SHROOM4: variants seen among roughly 807,000 people sequenced by gnomAD.
SHROOM4 encodes the protein shroom family member 4.
SHROOM4 carries 17 observed loss-of-function variants against 80.3 expected under a neutral mutation model. That is an observed-to-expected ratio of 0.21 (90% confidence interval 0.14 to 0.32). The LOEUF (loss-of-function observed/expected upper bound fraction) is 0.32, where lower values mean the gene tolerates loss of function less well. Ranked by LOEUF, SHROOM4 falls within the 10% of genes least tolerant of loss-of-function variation. The pLI is 1.00. For missense variants in SHROOM4, 993 were observed against 1,140.3 expected (o/e 0.87, Z 1.86); for synonymous variants, 400 against 437.5 (o/e 0.91, Z 1.07).
At chrX:50,803,184 G>A (rs896165872) in intron 1 of SHROOM4, among the ~76,000 whole-genome samples, 44 of 111,532 alleles carry the variant, frequency 3.9e-4, no homozygotes, top group African/African-American at 1.4e-3. Context: ...GAGAGACTCC[G>A]TCTCAAAAAA....
intron 1 of SHROOM4, among the ~76,000 whole-genome samples, chrX:50,780,021 T>G (rs1935591247): frequency 9.0e-6 from 1 of 111,509 alleles, no homozygotes. Flanking sequence ...AGTGAGAACC[T>G]CTTTGTGTGG....
intron 2 of SHROOM4, among the ~76,000 whole-genome samples, chrX:50,655,601 C>A: frequency 9.8e-6 from 1 of 102,444 alleles, no homozygotes; most frequent in Non-Finnish European, 1.9e-5. Context: ...TATTCATCAT[C>A]TTTATTCATC....
At chrX:50,639,844 C>T (rs1414653155) in intron 2 of SHROOM4, among the ~76,000 whole-genome samples, 1 of 112,088 alleles carries the variant, frequency 8.9e-6, no homozygotes, top group Non-Finnish European at 1.9e-5. Flanking sequence ...AGGCCAGACA[C>T]AGACCAGGAG....
At chrX:50,645,155 C>G (rs1232018674) in intron 2 of SHROOM4, among the ~76,000 whole-genome samples, 1 of 111,677 alleles carries the variant, frequency 9.0e-6, no homozygotes, top group African/African-American at 3.3e-5. Context: ...GATTTTGATT[C>G]AGCGAGGCCC....
At chrX:50,605,735 T>C (rs1194506814) in intron 6 of SHROOM4, among the ~76,000 whole-genome samples, 1 of 112,515 alleles carries the variant, frequency 8.9e-6, no homozygotes, top group East Asian at 2.8e-4. Context: ...TGGCTTTGAA[T>C]GTTTGCTGTG....
chrX:50,729,315 A>G (rs1055355579), intron 1 of SHROOM4, among the ~76,000 whole-genome samples: 3 of 111,991 alleles, frequency 2.7e-5, no homozygotes, highest in Middle Eastern at 4.6e-3. Flanking sequence ...TAGAGAATAG[A>G]AAAAGAGACA....
chrX:50,624,693 G>A (rs1569546683), intron 5 of SHROOM4, among the ~76,000 whole-genome samples: 2 of 101,976 alleles, frequency 2.0e-5, no homozygotes, highest in African/African-American at 3.6e-5. Flanking sequence ...GCTCACTGCC[G>A]CCTCGAACAC....
chrX:50,656,762 A>T lies in SHROOM4; in HGVS notation c.270-18454T>A, dbSNP rs782148735. On this transcript the variant is annotated intron_variant, in intron 2 of 8. Transcript: ENST00000376020. ...TTTGTGGTTCCTTACAAATTTTAGAATTTTTTATTCCTGTGAAAAAATGTA... is the reference window on the plus strand; with the variant it reads ...TTTGTGGTTCCTTACAAATTTTAGATTTTTTTATTCCTGTGAAAAAATGTA... Among the ~76,000 whole-genome samples, 7 of 109,981 alleles carry T rather than the reference A, an allele frequency of 6.4e-5. No homozygotes were observed. The East Asian group carries it at 2.0e-3, about 31-fold the overall frequency.
At chrX:50,723,379 AGGGAGCAAGGGAGG>A (rs1934169039) in intron 1 of SHROOM4, among the ~76,000 whole-genome samples, 1 of 30,812 alleles carries the variant, frequency 3.2e-5, no homozygotes, top group Non-Finnish European at 5.9e-5. Context: ...GGAGGGAGGG[AGGGAGCAAGGGAGG>A]GAGAGAGAGA....
In SHROOM4 at chrX:50,635,337, C is replaced by A; in HGVS notation, c.736G>T (p.Gly246Cys). ...TSGGSRRTNG[G>C]HLTPSSQMSS... ...ATCTGAGAGCTGGGGGTCAGGTGGC[C>A]CCCATTGGTGCGCCGACTACCTCCT... The change falls in exon 4 of 9, where the codon GGC becomes TGC. Residue 246 changes from glycine to cysteine, a missense_variant. Gly to Cys is a radical substitution (Grantham distance 159). Transcript: ENST00000376020. The A allele has an allele frequency of 8.3e-7, 1 of 1,202,454 alleles. No individual in the cohort carries two copies. The highest frequency in any genetic ancestry group is 1.1e-6 in the Non-Finnish European group (1 of 890,763).
At chrX:50,692,248 T>G (rs1343094929) in intron 2 of SHROOM4, among the ~76,000 whole-genome samples, 1 of 112,115 alleles carries the variant, frequency 8.9e-6, no homozygotes, top group East Asian at 2.8e-4. Context: ...TCCCTCTAAG[T>G]TGCTGGTGTC....
At chrX:50,788,434 G>A (rs192713109) in intron 1 of SHROOM4, among the ~76,000 whole-genome samples, 1 of 110,479 alleles carries the variant, frequency 9.1e-6, no homozygotes, top group East Asian at 2.8e-4. Flanking sequence ...GTGAAACCCC[G>A]TCTCTACTAA....
chrX:50,747,522 CT>C (rs1934799317), intron 1 of SHROOM4, among the ~76,000 whole-genome samples: 1 of 111,868 alleles, frequency 8.9e-6, no homozygotes, highest in South Asian at 3.7e-4. Flanking sequence ...AAAAAAAGTT[CT>C]GACAAATAGC....
At chrX:50,690,385 T>C (rs1557262552) in intron 2 of SHROOM4, among the ~76,000 whole-genome samples, 2 of 111,872 alleles carry the variant, frequency 1.8e-5, no homozygotes, top group East Asian at 2.8e-4. Flanking sequence ...TTCATCCCTC[T>C]GAAAAGAAAC....
chrX:50,581,715 C>A, the SHROOM4 span, among the ~76,000 whole-genome samples: 6 of 111,888 alleles, frequency 5.4e-5, no homozygotes, highest in Admixed American at 5.7e-4. Flanking sequence ...AGATAAACTC[C>A]TCTACATTCC....
chrX:50,601,388 A>T (rs1929397911), intron 7 of SHROOM4, among the ~76,000 whole-genome samples: 1 of 112,096 alleles, frequency 8.9e-6, no homozygotes, highest in Non-Finnish European at 1.9e-5. Context: ...TAAAACTTCA[A>T]CACCACCATG....
At chrX:50,612,186 TAA>T (rs782596447) in intron 5 of SHROOM4, among the ~76,000 whole-genome samples, 1 of 103,692 alleles carries the variant, frequency 9.6e-6, no homozygotes. Context: ...CTAATCTAAT[TAA>T]AAAAAAAACA....
chrX:50,646,762 C>T (rs1377806359), intron 2 of SHROOM4, among the ~76,000 whole-genome samples: 1 of 109,367 alleles, frequency 9.1e-6, no homozygotes, highest in African/African-American at 3.3e-5. Context: ...TGTAAATCTG[C>T]TGGGTCCCCC....
At chrX:50,664,988 G>C (rs1413830682) in intron 2 of SHROOM4, among the ~76,000 whole-genome samples, 1 of 108,992 alleles carries the variant, frequency 9.2e-6, no homozygotes, top group Non-Finnish European at 1.9e-5. Flanking sequence ...GGGAGAAAAA[G>C]ACTAGATTAA....
Sources: gnomAD v4.1 joint callset for allele counts (sites outside exome capture counted in the v4.1 genomes callset) on GRCh38, gnomAD v4.1.1 for gene constraint, MANE v1.5 for transcripts, NCBI Gene and HGNC (gene_info 2026-07-23, HGNC 2026-07-21) for gene names.